NOL10: variants seen among roughly 807,000 people sequenced by gnomAD.
The protein encoded by NOL10 is nucleolar protein 10, also known as H_NH0074G24.1.
Under a neutral mutation model 103.5 loss-of-function variants are expected in NOL10, and 58 were observed. The observed-to-expected ratio is 0.56, with a 90% CI of 0.45 to 0.70. The LOEUF is 0.70. NOL10 is among the 30% of genes least tolerant of loss of function. The pLI, the probability that NOL10 is intolerant of heterozygous loss-of-function variation, is 0.00. For synonymous variants in NOL10, 287 were observed against 282.5 expected (o/e 1.02, Z -0.16); for missense variants, 763 against 807.3 (o/e 0.95, Z 0.67).
At chr2:10,612,976 C>A (rs1676649168) in intron 13 of NOL10, among the ~76,000 whole-genome samples, 3 of 149,462 alleles carry the variant, frequency 2.0e-5, no homozygotes, top group African/African-American at 7.4e-5. Context: ...TGCATTCCAG[C>A]CTGGGCAACA....
intron 9 of NOL10, among the ~76,000 whole-genome samples, chr2:10,661,674 A>G (rs1446279849): frequency 6.6e-6 from 1 of 152,036 alleles, no homozygotes; most frequent in Non-Finnish European, 1.5e-5. Flanking sequence ...CCTGGTCTAT[A>G]TTAGTTCTTA....
In NOL10 at chr2:10,641,291, C is replaced by T. The variant is rs572636669; in HGVS notation, c.1026+3029G>A. Among the ~76,000 whole-genome samples the T allele has an allele frequency of 7.3e-5, 11 of 151,534 alleles. No homozygotes were observed. In the East Asian group the frequency reaches 1.4e-3, roughly 19 times the overall value. The stretch of plus-strand genomic sequence containing the variant: ...CTGGGAGGTGGAGGCTGCAGTGAGC[C>T]GAGATTGTGCCACTGCACTCCAGCC... On this transcript the variant is annotated intron_variant, in intron 13 of 20. Coordinates refer to ENST00000381685, the MANE Select transcript of NOL10 (RefSeq NM_024894.4).
chr2:10,644,866 A>G (rs770471954), intron 12 of NOL10, among the ~76,000 whole-genome samples: 2 of 152,242 alleles, frequency 1.3e-5, no homozygotes, highest in Non-Finnish European at 2.9e-5. Context: ...TTGGTACTAA[A>G]CTACTTAGTA....
At chr2:10,648,204 T>C (rs905532010) in intron 12 of NOL10, among the ~76,000 whole-genome samples, 5 of 151,908 alleles carry the variant, frequency 3.3e-5, no homozygotes, top group African/African-American at 1.2e-4. Flanking sequence ...ATAAGAAAAA[T>C]ATTACAAAAC....
chr2:10,635,069 A>G (rs1489624775), intron 13 of NOL10, among the ~76,000 whole-genome samples: 1 of 152,166 alleles, frequency 6.6e-6, no homozygotes, highest in Non-Finnish European at 1.5e-5. Flanking sequence ...AAATAATGAG[A>G]TATCTTGGGA....
chr2:10,689,103 C>T (rs373395928), intron 1 of NOL10, among the ~76,000 whole-genome samples: 1 of 152,266 alleles, frequency 6.6e-6, no homozygotes, highest in African/African-American at 2.4e-5. Flanking sequence ...TGGATCATCA[C>T]GTATAAGAAA....
chr2:10,591,772 G>C (rs972024618), intron 17 of NOL10, among the ~76,000 whole-genome samples: 1 of 152,160 alleles, frequency 6.6e-6, no homozygotes, highest in South Asian at 2.1e-4. Flanking sequence ...GGGAGGCTGA[G>C]GTGGGAGGAC....
Position 10,603,194 on chromosome 2 carries a change from G to A in NOL10, c.1154-37C>T, listed in dbSNP as rs1158415057. On this transcript the variant is annotated intron_variant, in intron 14 of 20. Coordinates refer to ENST00000381685, the MANE Select transcript of NOL10 (RefSeq NM_024894.4). ...CAAACAGAAGACAGCAGGTCCTTAT[G>A]CAATCTTCATTAACATTCAACAGTT... 6.2e-6 allele frequency: 9 copies of A among 1,447,358 alleles called. No homozygotes were observed. The East Asian group carries it at 9.3e-5, about 15-fold the overall frequency. 89.7% of individuals were successfully genotyped at this position (1,447,358 alleles called of 1,614,324 possible). A position where few individuals can be genotyped will look rare whatever the true frequency, so the allele number is the denominator to read the frequency against.
intron 20 of NOL10, among the ~76,000 whole-genome samples, chr2:10,576,219 C>T (rs1674443046): frequency 6.6e-6 from 1 of 152,186 alleles, no homozygotes; most frequent in Admixed American, 6.5e-5. Context: ...CCGACAGAGA[C>T]AGGTTTGGTG....
intron 17 of NOL10, among the ~76,000 whole-genome samples, chr2:10,592,288 A>G (rs11676152): frequency 1.6e-3 from 240 of 152,352 alleles, no homozygotes; most frequent in African/African-American, 5.6e-3. Context: ...TCTCTCAAAC[A>G]TGTAGCTTAA....
chr2:10,591,724 G>A (rs537300413), intron 17 of NOL10, among the ~76,000 whole-genome samples: 12 of 152,036 alleles, frequency 7.9e-5, no homozygotes, highest in Non-Finnish European at 1.8e-4. Context: ...TGACAGAACT[G>A]GCCAGGTGGT....
intron 8 of NOL10, among the ~76,000 whole-genome samples, chr2:10,666,105 G>A (rs1466847153): frequency 6.6e-6 from 1 of 152,086 alleles, no homozygotes; most frequent in Non-Finnish European, 1.5e-5. Context: ...GTACCCAACG[G>A]TTAGCTCCCA....
intron 20 of NOL10, among the ~76,000 whole-genome samples, chr2:10,576,405 TAC>T (rs570833535): frequency 6.2e-4 from 94 of 152,126 alleles, no homozygotes; most frequent in African/African-American, 2.2e-3. Context: ...CAAAAATTTA[TAC>T]ATTCATTTTC....
At chr2:10,620,542 C>CA (rs1677087091) in intron 13 of NOL10, among the ~76,000 whole-genome samples, 1 of 151,948 alleles carries the variant, frequency 6.6e-6, no homozygotes, top group Non-Finnish European at 1.5e-5. Flanking sequence ...TATGTTCCCC[C>CA]AAATAAAGCT....
At chr2:10,656,734 C>T (rs1679863967) in intron 11 of NOL10, among the ~76,000 whole-genome samples, 1 of 152,212 alleles carries the variant, frequency 6.6e-6, no homozygotes, top group Admixed American at 6.5e-5. Context: ...GCTGGTGGGC[C>T]GTCCACCCGA....
At chr2:10,572,882 T>C (rs1349151388) in intron 20 of NOL10, among the ~76,000 whole-genome samples, 5 of 152,194 alleles carry the variant, frequency 3.3e-5, no homozygotes, top group South Asian at 2.1e-4. Context: ...TCAATGCTCA[T>C]TGGCTCACAT....
intron 13 of NOL10, chr2:10,622,061 G>T (rs1245738839): frequency 2.1e-6 from 1 of 471,194 alleles, no homozygotes; most frequent in Non-Finnish European, 4.4e-6. Flanking sequence ...CTACCACACA[G>T]GACACAGCAG....
chr2:10,641,009 C>A (rs1323168333), intron 13 of NOL10, among the ~76,000 whole-genome samples: 7 of 151,138 alleles, frequency 4.6e-5, no homozygotes, highest in Non-Finnish European at 8.8e-5. Context: ...TATGGTGAAA[C>A]CCCATCTCTA....
chr2:10,585,211 C>A (rs554816000), intron 19 of NOL10, among the ~76,000 whole-genome samples: 6 of 152,186 alleles, frequency 3.9e-5, no homozygotes, highest in Admixed American at 3.3e-4. Context: ...GTAAATAGAG[C>A]AAGACAAAAA....
Sources: allele counts gnomAD v4.1 joint callset (sites outside exome capture counted in the v4.1 genomes callset), GRCh38; gene constraint gnomAD v4.1.1; transcripts MANE v1.5; gene names NCBI Gene and HGNC (gene_info 2026-07-23, HGNC 2026-07-21).